Variants in PDE4B observed in about 807,000 individuals in gnomAD.
PDE4B encodes the protein 3',5'-cyclic-AMP phosphodiesterase 4B.
A neutral mutation model predicts 82.2 loss-of-function variants in PDE4B; 20 were observed. The observed-to-expected ratio is 0.24, with a 90% confidence interval of 0.17 to 0.35. The LOEUF is 0.35. PDE4B is among the 10% of genes least tolerant of loss of function. PDE4B has a pLI of 1.00. For synonymous variants in PDE4B, 320 were observed against 318.9 expected (o/e 1.00, Z -0.04); for missense variants, 655 against 907.2 (o/e 0.72, Z 3.57).
At chr1:66,234,897 G>C (rs1652282402) in intron 3 of PDE4B, among the ~76,000 whole-genome samples, 1 of 151,920 alleles carries the variant, frequency 6.6e-6, no homozygotes, top group Non-Finnish European at 1.5e-5. Context: ...AGGTATTTTA[G>C]AGCTGTAGAT....
At chr1:66,100,351 C>G (rs955517183) in intron 3 of PDE4B, among the ~76,000 whole-genome samples, 2 of 152,066 alleles carry the variant, frequency 1.3e-5, no homozygotes, top group Non-Finnish European at 2.9e-5. Context: ...CTGTGTCCAG[C>G]CTGTGTTCAA....
chr1:65,914,454 A>ACTT (rs57338201), intron 2 of PDE4B, among the ~76,000 whole-genome samples: 32,666 of 145,224 alleles, frequency 0.22, 3,788 homozygotes, highest in South Asian at 0.25. Context: ...GGCAGCATTT[A>ACTT]CTTCTTCTTC....
chr1:66,022,064 C>T (rs1376840513), intron 3 of PDE4B, among the ~76,000 whole-genome samples: 8 of 152,156 alleles, frequency 5.3e-5, no homozygotes. Flanking sequence ...ATTTTATTGT[C>T]TTTGAAGCAA....
At chr1:66,174,605 A>C (rs1041487497) in intron 3 of PDE4B, among the ~76,000 whole-genome samples, 1 of 151,920 alleles carries the variant, frequency 6.6e-6, no homozygotes, top group African/African-American at 2.4e-5. Flanking sequence ...GAAATACAAA[A>C]ATTAGCCAGG....
intron 3 of PDE4B, among the ~76,000 whole-genome samples, chr1:66,206,960 G>A (rs1649603312): frequency 6.6e-6 from 1 of 152,166 alleles, no homozygotes; most frequent in South Asian, 2.1e-4. Flanking sequence ...GCCCTTTAGT[G>A]CTGTACTGTT....
chr1:66,059,866 A>G (rs556543855), intron 3 of PDE4B, among the ~76,000 whole-genome samples: 6 of 152,182 alleles, frequency 3.9e-5, no homozygotes, highest in African/African-American at 9.7e-5. Context: ...GCTATATCAC[A>G]TTGTTTTTAA....
At chr1:65,965,382 G>A (rs1649764055) in intron 3 of PDE4B, among the ~76,000 whole-genome samples, 1 of 152,092 alleles carries the variant, frequency 6.6e-6, no homozygotes, top group South Asian at 2.1e-4. Flanking sequence ...AGCACATATT[G>A]TTGTCAAAGT....
intron 8 of PDE4B, among the ~76,000 whole-genome samples, chr1:66,347,073 T>C (rs1661447030): frequency 6.6e-6 from 1 of 152,200 alleles, no homozygotes; most frequent in Non-Finnish European, 1.5e-5. Flanking sequence ...TCCTATATCA[T>C]GCTGTTATGA....
At chr1:66,308,442 C>T (rs534070165) in intron 7 of PDE4B, among the ~76,000 whole-genome samples, 2 of 152,190 alleles carry the variant, frequency 1.3e-5, no homozygotes, top group East Asian at 3.9e-4. Flanking sequence ...TAACCACTAC[C>T]CAGACCAAAA....
intron 3 of PDE4B, among the ~76,000 whole-genome samples, chr1:66,051,003 A>G (rs927914891): frequency 2.6e-5 from 4 of 152,136 alleles, no homozygotes; most frequent in African/African-American, 4.8e-5. Context: ...CCCAATGGAA[A>G]TGTAAAAAAC....
rs913144843 is a variant in PDE4B at position 66,110,310 on chromosome 1, TGA to T, written c.282-137146_282-137145del. 7.2e-5 allele frequency among the ~76,000 whole-genome samples: 11 copies of T among 152,124 alleles called. No homozygotes were observed. In the South Asian group the frequency reaches 1.9e-3, roughly 26 times the overall value. On this transcript the variant is annotated intron_variant, in intron 3 of 16. Transcript: ENST00000341517. ...GTGAGATGGAAGTATTTGGAGGGACTGAGAGCTCTTCACTACCTCTAATTTAG... is the reference window on the plus strand; with the variant it reads ...GTGAGATGGAAGTATTTGGAGGGACTGAGCTCTTCACTACCTCTAATTTAG...
intron 3 of PDE4B, among the ~76,000 whole-genome samples, chr1:66,143,748 C>T (rs1252350220): frequency 6.6e-6 from 1 of 152,154 alleles, no homozygotes; most frequent in Non-Finnish European, 1.5e-5. Flanking sequence ...AGAGGACATT[C>T]TGAAAGCCTC....
At chr1:66,367,046 A>G (rs529414701) in intron 13 of PDE4B, among the ~76,000 whole-genome samples, 1 of 152,186 alleles carries the variant, frequency 6.6e-6, no homozygotes, top group South Asian at 2.1e-4. Context: ...CTTCTATATA[A>G]AAGGCAGGCT....
At chr1:66,077,115 A>G (rs1656474563) in intron 3 of PDE4B, among the ~76,000 whole-genome samples, 1 of 152,030 alleles carries the variant, frequency 6.6e-6, no homozygotes, top group Admixed American at 6.6e-5. Context: ...GGTATTTCCT[A>G]GGTTTTCTTT....
At chr1:66,203,396 CT>C (rs1458782297) in intron 3 of PDE4B, among the ~76,000 whole-genome samples, 1 of 152,124 alleles carries the variant, frequency 6.6e-6, no homozygotes, top group Non-Finnish European at 1.5e-5. Context: ...GTTGGCCTGC[CT>C]TGCTAGATTG....
At chr1:65,946,430 GTGCCAAACTGA>G (rs1264182204) in intron 3 of PDE4B, among the ~76,000 whole-genome samples, 1 of 151,996 alleles carries the variant, frequency 6.6e-6, no homozygotes, top group Admixed American at 6.6e-5. Flanking sequence ...CTGATTTCAA[GTGCCAAACTGA>G]TGTCAGAATG....
intron 7 of PDE4B, among the ~76,000 whole-genome samples, chr1:66,293,311 T>G (rs1032479954): frequency 6.6e-6 from 1 of 152,128 alleles, no homozygotes. Context: ...AAGGGCAAAT[T>G]CTGAAATCCC....
intron 7 of PDE4B, among the ~76,000 whole-genome samples, chr1:66,306,331 G>A (rs895399324): frequency 1.3e-5 from 2 of 152,236 alleles, no homozygotes; most frequent in Admixed American, 6.5e-5. Flanking sequence ...ATGAAGAAAA[G>A]CAATCTGATG....
intron 7 of PDE4B, among the ~76,000 whole-genome samples, chr1:66,306,996 A>G (rs888032511): frequency 2.0e-5 from 3 of 152,126 alleles, no homozygotes; most frequent in African/African-American, 7.2e-5. Context: ...CAAATGTGGT[A>G]GCCGAAATAG....
Sources: allele counts gnomAD v4.1 joint callset (sites outside exome capture counted in the v4.1 genomes callset), GRCh38; gene constraint gnomAD v4.1.1; transcripts MANE v1.5; gene names NCBI Gene and HGNC (gene_info 2026-07-23, HGNC 2026-07-21).